The following LRP1B variants were observed in gnomAD, a reference collection of about 807,000 sequenced individuals.
The protein encoded by LRP1B is LDL receptor related protein 1B.
Under a neutral mutation model 556.6 loss-of-function variants are expected in LRP1B, and 217 were observed. The observed-to-expected ratio is 0.39, with a 90% CI of 0.35 to 0.44. The LOEUF is 0.44. Ranked by LOEUF, LRP1B falls within the 20% of genes least tolerant of loss-of-function variation. The pLI, the probability that LRP1B is intolerant of heterozygous loss-of-function variation, is 1.00. For missense variants in LRP1B, 5,053 were observed against 5,620.8 expected (o/e 0.90, Z 3.23); for synonymous variants, 2,047 against 1,865.8 (o/e 1.10, Z -2.50).
intron 41 of LRP1B, among the ~76,000 whole-genome samples, chr2:140,660,038 C>A (rs1685034509): frequency 1.3e-5 from 2 of 151,938 alleles, no homozygotes; most frequent in Admixed American, 6.6e-5. Context: ...TTAATGCTTA[C>A]TTTTATCAAT....
intron 79 of LRP1B, among the ~76,000 whole-genome samples, chr2:140,332,348 GTGTTT>G (rs1220224022): frequency 6.6e-6 from 1 of 151,804 alleles, no homozygotes; most frequent in East Asian, 2.0e-4. Context: ...AAAAAGGACT[GTGTTT>G]TGTTTATCAC....
At chr2:140,816,779 C>T (rs1369585126) in intron 31 of LRP1B, among the ~76,000 whole-genome samples, 1 of 151,944 alleles carries the variant, frequency 6.6e-6, no homozygotes, top group East Asian at 1.9e-4. Context: ...GTGACATATG[C>T]TTTATATTCA....
At chr2:142,093,749 GA>G (rs1408443801) in intron 1 of LRP1B, among the ~76,000 whole-genome samples, 12 of 151,750 alleles carry the variant, frequency 7.9e-5, no homozygotes, top group Admixed American at 4.6e-4. Flanking sequence ...TTTAGCAAAA[GA>G]AAAAAAGATA....
intron 1 of LRP1B, among the ~76,000 whole-genome samples, chr2:141,847,387 A>G (rs567018415): frequency 1.3e-5 from 2 of 151,580 alleles, no homozygotes; most frequent in Non-Finnish European, 3.0e-5. Flanking sequence ...CAATTTATAA[A>G]TCCAATTCAA....
intron 24 of LRP1B, among the ~76,000 whole-genome samples, chr2:140,885,077 T>C (rs1693594707): frequency 6.6e-6 from 1 of 152,224 alleles, no homozygotes; most frequent in Non-Finnish European, 1.5e-5. Flanking sequence ...GTAACATTGC[T>C]ACCACAGCAG....
intron 13 of LRP1B, among the ~76,000 whole-genome samples, chr2:141,013,956 A>T (rs971470021): frequency 1.3e-5 from 2 of 152,072 alleles, no homozygotes; most frequent in Non-Finnish European, 2.9e-5. Context: ...TATTTTATCT[A>T]AACCATTTAT....
chr2:140,966,113 C>A (rs1014424203), intron 18 of LRP1B, among the ~76,000 whole-genome samples: 1 of 152,182 alleles, frequency 6.6e-6, no homozygotes, highest in Non-Finnish European at 1.5e-5. Context: ...AGTTCTAGAT[C>A]CTTGAGGAAT....
chr2:140,990,031 C>T (rs1292022817), intron 16 of LRP1B, among the ~76,000 whole-genome samples: 1 of 151,882 alleles, frequency 6.6e-6, no homozygotes, highest in African/African-American at 2.4e-5. Context: ...CTTGGTGAAA[C>T]CCTGTTTCTA....
intron 7 of LRP1B, among the ~76,000 whole-genome samples, chr2:141,153,610 ATAT>A (rs1432632269): frequency 1.5e-5 from 2 of 137,106 alleles, no homozygotes; most frequent in Non-Finnish European, 3.1e-5. Flanking sequence ...TTTATATATA[ATAT>A]ATTATATATC....
chr2:140,508,665 T>C (rs1689520220), intron 52 of LRP1B, among the ~76,000 whole-genome samples: 2 of 152,182 alleles, frequency 1.3e-5, no homozygotes, highest in Admixed American at 1.3e-4. Context: ...CTCAGGTGAA[T>C]TACACCAATT....
At chr2:141,608,328 A>T (rs1381990694) in intron 2 of LRP1B, among the ~76,000 whole-genome samples, 1 of 152,258 alleles carries the variant, frequency 6.6e-6, no homozygotes, top group Admixed American at 6.5e-5. Flanking sequence ...AAACTAGAGC[A>T]TATATGTCTG....
At chr2:142,025,693 G>A (rs996835272) in intron 1 of LRP1B, among the ~76,000 whole-genome samples, 13 of 151,994 alleles carry the variant, frequency 8.6e-5, no homozygotes, top group African/African-American at 2.7e-4. Context: ...AAGTCCATAA[G>A]GGCAACTCTC....
intron 1 of LRP1B, among the ~76,000 whole-genome samples, chr2:141,934,625 G>A (rs1198153140): frequency 6.6e-6 from 1 of 152,116 alleles, no homozygotes; most frequent in East Asian, 1.9e-4. Context: ...TGTTGTGGGA[G>A]GGACCAGGTG....
intron 2 of LRP1B, among the ~76,000 whole-genome samples, chr2:141,664,416 CTG>C (rs1244753309): frequency 6.6e-6 from 1 of 152,074 alleles, no homozygotes; most frequent in Non-Finnish European, 1.5e-5. Context: ...GGAATTCAGC[CTG>C]TGTCTGTTTG....
At chr2:141,973,186 T>C (rs1389018934) in intron 1 of LRP1B, among the ~76,000 whole-genome samples, 1 of 151,660 alleles carries the variant, frequency 6.6e-6, no homozygotes, top group Admixed American at 6.6e-5. Flanking sequence ...ATTGTGCTTA[T>C]TTAGTATCCT....
intron 1 of LRP1B, among the ~76,000 whole-genome samples, chr2:141,895,265 G>A (rs914310375): frequency 2.6e-5 from 4 of 152,068 alleles, no homozygotes; most frequent in African/African-American, 9.7e-5. Flanking sequence ...TGTGTGCAAA[G>A]GCTGAGTCTA....
At chr2:142,055,977 C>A (rs1704653074) in intron 1 of LRP1B, among the ~76,000 whole-genome samples, 1 of 151,958 alleles carries the variant, frequency 6.6e-6, no homozygotes, top group Admixed American at 6.6e-5. Flanking sequence ...ATGGTGAAAC[C>A]CTGTCTCTAC....
intron 3 of LRP1B, among the ~76,000 whole-genome samples, chr2:141,458,379 G>A (rs1681717036): frequency 6.6e-6 from 1 of 152,154 alleles, no homozygotes; most frequent in African/African-American, 2.4e-5. Flanking sequence ...CAAGGTGAAT[G>A]AGCTCTGAAA....
intron 81 of LRP1B, among the ~76,000 whole-genome samples, chr2:140,322,614 CAT>C (rs2105055265): frequency 7.3e-6 from 1 of 136,448 alleles, no homozygotes; most frequent in East Asian, 2.0e-4. Context: ...TTTGAAAAGA[CAT>C]GTCTAAAGTG....
Sources: allele counts gnomAD v4.1 joint callset (sites outside exome capture counted in the v4.1 genomes callset), GRCh38; gene constraint gnomAD v4.1.1; transcripts MANE v1.5; gene names NCBI Gene and HGNC (gene_info 2026-07-23, HGNC 2026-07-21).